SCARA5: variants seen among roughly 807,000 people sequenced by gnomAD.
The protein encoded by SCARA5 is scavenger receptor class A member 5, also known as scavenger receptor class A, member 5 (putative).
Under a neutral mutation model 46.3 loss-of-function variants are expected in SCARA5, and 45 were observed. The ratio of observed to expected loss-of-function variants is 0.97; its 90% CI spans 0.76 to 1.24. The LOEUF (loss-of-function observed/expected upper bound fraction) is 1.24, where lower values mean the gene tolerates loss of function less well. Among genes scored for constraint, SCARA5 ranks in the 50% most tolerant of loss-of-function variants. The pLI, the probability that SCARA5 is intolerant of heterozygous loss-of-function variation, is 0.00. For synonymous variants in SCARA5, 333 were observed against 306.5 expected (o/e 1.09, Z -0.90); for missense variants, 680 against 689.0 (o/e 0.99, Z 0.15).
At chr8:27,877,788 G>A (rs1177791463) in intron 8 of SCARA5, among the ~76,000 whole-genome samples, 2 of 152,058 alleles carry the variant, frequency 1.3e-5, no homozygotes, top group African/African-American at 4.8e-5. Context: ...TCAAACTCTG[G>A]CCCTTAAGAC....
chr8:27,952,476 T>G (rs1019477859), intron 3 of SCARA5, among the ~76,000 whole-genome samples: 1 of 152,188 alleles, frequency 6.6e-6, no homozygotes, highest in Non-Finnish European at 1.5e-5. Flanking sequence ...GGGGGCTTTC[T>G]GCCTTCGTTG....
intron 4 of SCARA5, among the ~76,000 whole-genome samples, chr8:27,917,497 G>C (rs75751212): frequency 6.6e-6 from 1 of 152,268 alleles, no homozygotes; most frequent in East Asian, 1.9e-4. Context: ...CAGGGAACAC[G>C]CTTTCCTCTC....
At chr8:27,973,462 G>A (rs926946460) in intron 2 of SCARA5, among the ~76,000 whole-genome samples, 3 of 152,172 alleles carry the variant, frequency 2.0e-5, no homozygotes, top group African/African-American at 7.2e-5. Context: ...GGGTGACAGA[G>A]TGAGACTCTG....
intron 1 of SCARA5, among the ~76,000 whole-genome samples, chr8:27,989,190 C>T (rs1808751214): frequency 8.3e-6 from 1 of 121,020 alleles, no homozygotes; most frequent in Non-Finnish European, 1.6e-5. Context: ...GGCTGGATGG[C>T]AGTGGTGCAG....
intron 2 of SCARA5, among the ~76,000 whole-genome samples, chr8:27,982,304 C>T (rs1808633814): frequency 6.6e-6 from 1 of 151,946 alleles, no homozygotes; most frequent in Admixed American, 6.6e-5. Flanking sequence ...TCGGCCTCCT[C>T]CTCCACCTCC....
chr8:27,973,051 CAGCAA>C (rs1808470460), intron 2 of SCARA5, among the ~76,000 whole-genome samples: 1 of 152,208 alleles, frequency 6.6e-6, no homozygotes, highest in Admixed American at 6.5e-5. Context: ...AGCCAGTGAA[CAGCAA>C]AGCAAACACA....
Position 27,913,656 on chromosome 8 carries a change from C to T in SCARA5, c.917-3913G>A, listed in dbSNP as rs543681990. ...CTGGCTCTGGCCTTTATAAGAACCT[C>T]CCTGTCTCCGTCTCTCTCCAGCCCA... On this transcript the variant is annotated intron_variant, in intron 4 of 8. Transcript: ENST00000354914. Among the ~76,000 whole-genome samples the T allele has an allele frequency of 2.0e-5, 3 of 152,308 alleles. No individual in the cohort carries two copies. In the East Asian group the frequency reaches 5.8e-4, roughly 29 times the overall value.
intron 8 of SCARA5, among the ~76,000 whole-genome samples, chr8:27,873,708 A>AAAAGAAAAAAAAG (rs1191525447): frequency 6.6e-6 from 1 of 152,190 alleles, no homozygotes; most frequent in East Asian, 1.9e-4. Flanking sequence ...CTCACCCAAA[A>AAAAGAAAAAAAAG]AAAGAAAAAA....
rs774863277 is a variant in SCARA5 at position 27,879,524 on chromosome 8, T to C, written c.1351+45A>G. On this transcript the variant is annotated intron_variant, in intron 8 of 8. Transcript: ENST00000354914. ...TTTGGAGGTGAGCCCAGTCCTAGGATGTGCAGGCCCTCTCCTCATGTTTTT... is the reference window on the plus strand; with the variant it reads ...TTTGGAGGTGAGCCCAGTCCTAGGACGTGCAGGCCCTCTCCTCATGTTTTT... 1.8e-5 allele frequency: 29 copies of C among 1,572,626 alleles called. 1 individual carries two copies. In the Admixed American group the frequency reaches 4.2e-4, roughly 23 times the overall value.
chr8:27,933,704 A>G (rs1350364664), intron 3 of SCARA5, among the ~76,000 whole-genome samples: 2 of 152,266 alleles, frequency 1.3e-5, no homozygotes, highest in Middle Eastern at 3.4e-3. Flanking sequence ...CAGGTTCTGG[A>G]AATTTATTAT....
chr8:27,871,704 C>CT lies in SCARA5; in HGVS notation c.*229_*230insA. On this transcript the variant is annotated 3_prime_UTR_variant, in exon 9 of 9. Coordinates refer to ENST00000354914, the MANE Select transcript of SCARA5 (RefSeq NM_173833.6). ...TTGATCAGGGCTCCTCATGCAGGAA[C>CT]CTGGTGGAAGAGAGAGACGGGCAGT... 2 of 1,387,256 alleles carry CT rather than the reference C, an allele frequency of 1.4e-6. No individual in the cohort carries two copies. Among genetic ancestry groups the CT allele is most frequent in the Non-Finnish European group, 1.9e-6 (2 of 1,070,730 alleles). 85.9% of individuals were successfully genotyped at this position (1,387,256 alleles called of 1,614,324 possible). A position where few individuals can be genotyped will look rare whatever the true frequency, so the allele number is the denominator to read the frequency against.
In SCARA5 at chr8:27,871,457, T is replaced by G. The variant is rs1335622816; in HGVS notation, c.*477A>C. ...AGAGTAAAGGGGGGAAATTCATCACTTGACGTTGCCTCTTGCTGGGGAGGA... is the reference window on the plus strand; with the variant it reads ...AGAGTAAAGGGGGGAAATTCATCACGTGACGTTGCCTCTTGCTGGGGAGGA... On this transcript the variant is annotated 3_prime_UTR_variant, in exon 9 of 9. Transcript: ENST00000354914. 1.0e-6 allele frequency: 1 copy of G among 989,332 alleles called. No individual in the cohort carries two copies. The highest frequency in any genetic ancestry group is 1.2e-6 in the Non-Finnish European group (1 of 832,350). 61.3% of individuals were successfully genotyped at this position (989,332 alleles called of 1,614,324 possible).
chr8:27,945,906 A>C (rs964789461), intron 3 of SCARA5, among the ~76,000 whole-genome samples: 1 of 152,246 alleles, frequency 6.6e-6, no homozygotes, highest in Non-Finnish European at 1.5e-5. Context: ...ACAGTGCTAC[A>C]TCATGCTGGC....
intron 2 of SCARA5, among the ~76,000 whole-genome samples, chr8:27,968,824 T>C (rs1808407326): frequency 6.6e-6 from 1 of 152,180 alleles, no homozygotes; most frequent in Admixed American, 6.5e-5. Context: ...TGTGCAATGA[T>C]GTCTATTTTT....
intron 3 of SCARA5, among the ~76,000 whole-genome samples, chr8:27,932,675 C>T (rs1292120524): frequency 6.6e-6 from 1 of 152,200 alleles, no homozygotes; most frequent in Non-Finnish European, 1.5e-5. Flanking sequence ...GTTGCCCAGG[C>T]TGGAGGGCAA....
At chr8:27,874,851 C>T (rs1258940315) in intron 8 of SCARA5, among the ~76,000 whole-genome samples, 1 of 152,190 alleles carries the variant, frequency 6.6e-6, no homozygotes, top group African/African-American at 2.4e-5. Flanking sequence ...GGTCACACTC[C>T]CTTCCGTGGC....
At chr8:27,982,618 G>A (rs1009696682) in intron 2 of SCARA5, among the ~76,000 whole-genome samples, 4 of 152,330 alleles carry the variant, frequency 2.6e-5, no homozygotes, top group Middle Eastern at 3.4e-3. Flanking sequence ...AGTGGGCCCC[G>A]AGGAGGACAG....
At position 27,921,677 on chromosome 8, in the gene SCARA5, C is replaced by T. The variant is rs1262578394; in HGVS notation, c.810G>A (p.Glu270=). The change falls in exon 4 of 9, where the codon GAG becomes GAA. Residue 270 remains glutamate (E), a synonymous_variant. Transcript: ENST00000354914. Reference sequence around the variant, plus strand: ...TGGCCAGCTCCTGCTTCAGCTGCAGCTCCATGCCTACGTGCGCCAGGCGCA... The same window carrying T: ...TGGCCAGCTCCTGCTTCAGCTGCAGTTCCATGCCTACGTGCGCCAGGCGCA... ...RRLRLAHVGM[E]LQLKQELAML... is the part of the protein sequence containing the mutation. 7 of 1,609,048 alleles carry T rather than the reference C, an allele frequency of 4.4e-6. No individual in the cohort carries two copies. The African/African-American group carries it at 9.3e-5, about 21-fold the overall frequency.
chr8:27,895,272 G>T (rs1807045618), intron 7 of SCARA5, among the ~76,000 whole-genome samples: 1 of 152,162 alleles, frequency 6.6e-6, no homozygotes, highest in Non-Finnish European at 1.5e-5. Flanking sequence ...CTCTTGTAAA[G>T]AAAGAACTCC....
Sources: allele counts gnomAD v4.1 joint callset (sites outside exome capture counted in the v4.1 genomes callset), GRCh38; gene constraint gnomAD v4.1.1; transcripts MANE v1.5; gene names NCBI Gene and HGNC (gene_info 2026-07-23, HGNC 2026-07-21).